ZNF286A: variants seen among roughly 807,000 people sequenced by gnomAD.
The protein encoded by ZNF286A is zinc finger protein ZNF286.
Under a neutral mutation model 49.3 loss-of-function variants are expected in ZNF286A, and 34 were observed. The observed-to-expected ratio is 0.69, with a 90% CI of 0.52 to 0.92. ZNF286A has a LOEUF of 0.92. Among genes scored for constraint, ZNF286A ranks in the 40% least tolerant of loss-of-function variants. The pLI is 0.00. For synonymous variants in ZNF286A, 155 were observed against 200.4 expected (o/e 0.77, Z 1.91); for missense variants, 462 against 600.2 (o/e 0.77, Z 2.41).
chr17:15,715,245 A>T (rs899930445), intron 5 of ZNF286A, among the ~76,000 whole-genome samples: 2 of 151,698 alleles, frequency 1.3e-5, no homozygotes, highest in African/African-American at 4.8e-5. Context: ...AGCAAACAGT[A>T]TAGGTATTTG....
At chr17:15,713,386 G>T (rs1479133673) in intron 5 of ZNF286A, among the ~76,000 whole-genome samples, 1 of 152,150 alleles carries the variant, frequency 6.6e-6, no homozygotes, top group Non-Finnish European at 1.5e-5. Context: ...ATTATAGAAG[G>T]TAGCTATATT....
In ZNF286A at chr17:15,717,397, G is replaced by A. The variant is rs913382910; in HGVS notation, c.*107G>A. ...TAATATGCATGTGAGGACCAATTCT[G>A]TATGCATCTAATTTCATTTGCGTAA... is the stretch of plus-strand genomic sequence containing the variant. On this transcript the variant is annotated 3_prime_UTR_variant, in exon 6 of 6. Coordinates refer to ENST00000583566, the MANE Select transcript of ZNF286A (RefSeq NM_001130842.2). 12 of 1,462,518 alleles carry A rather than the reference G, an allele frequency of 8.2e-6. No homozygotes were observed. In the East Asian group the frequency reaches 1.2e-4, roughly 14 times the overall value. The allele number at this position is 1,462,518 out of a possible 1,614,324, so 90.6% of individuals were successfully genotyped here.
At chr17:15,707,556 C>T (rs1187495876) in intron 4 of ZNF286A, among the ~76,000 whole-genome samples, 2 of 152,104 alleles carry the variant, frequency 1.3e-5, no homozygotes, top group African/African-American at 4.8e-5. Context: ...ATTGAGGTCC[C>T]GCTTTTTCCT....
chr17:15,709,295 G>A (rs934318815), intron 5 of ZNF286A, among the ~76,000 whole-genome samples: 1 of 144,928 alleles, frequency 6.9e-6, no homozygotes, highest in African/African-American at 2.6e-5. Flanking sequence ...TTTGAGACCA[G>A]CCTGGCCAAC....
chr17:15,720,024 G>A lies in ZNF286A; in HGVS notation c.*2734G>A, dbSNP rs929810891. On this transcript the variant is annotated 3_prime_UTR_variant, in exon 6 of 6. Coordinates refer to ENST00000583566, the MANE Select transcript of ZNF286A (RefSeq NM_001130842.2). ...GGAATTCATTTGAGAGCCAAAATTTGACTAAGGAAAGAAGACCAACATGGG... is the reference window on the plus strand; with the variant it reads ...GGAATTCATTTGAGAGCCAAAATTTAACTAAGGAAAGAAGACCAACATGGG... 1.3e-5 allele frequency: 2 copies of A among 152,160 alleles called. No individual in the cohort carries two copies. The highest frequency in any genetic ancestry group is 2.9e-5 in the Non-Finnish European group (2 of 68,016). The allele number at this position is 152,160 out of a possible 1,614,324, so 9.4% of individuals were successfully genotyped here.
Position 15,704,136 on chromosome 17 carries a change from C to T in ZNF286A, c.127-2251C>T, listed in dbSNP as rs1423699341. On this transcript the variant is annotated intron_variant, in intron 3 of 5. Transcript: ENST00000583566. ...CAGGTCCCAGTGCCCCCTGTACCCT[C>T]CCCGACCCCAGCCATAATTTAAATA... 85 of 963,856 alleles carry T rather than the reference C, an allele frequency of 8.8e-5. 2 individuals carry two copies. In the Middle Eastern group the frequency reaches 1.7e-3, roughly 19 times the overall value. 59.7% of individuals were successfully genotyped at this position (963,856 alleles called of 1,614,324 possible). A position where few individuals can be genotyped will look rare whatever the true frequency, so the allele number is the denominator to read the frequency against.
chr17:15,702,070 C>T (rs1171625881), intron 3 of ZNF286A, among the ~76,000 whole-genome samples: 2 of 150,872 alleles, frequency 1.3e-5, no homozygotes, highest in Non-Finnish European at 1.5e-5. Flanking sequence ...TGCAGTAATC[C>T]GAGATCGCAC....
chr17:15,710,301 T>C (rs1990556770), intron 5 of ZNF286A, among the ~76,000 whole-genome samples: 2 of 152,194 alleles, frequency 1.3e-5, no homozygotes, highest in Admixed American at 6.5e-5. Flanking sequence ...TTTTTTTAAA[T>C]AGTGCTTTTT....
intron 1 of ZNF286A, 177 bp from the exon 2 acceptor site, chr17:15,699,958 C>G (rs1186806168): frequency 4.8e-5 from 30 of 620,316 alleles, no homozygotes; most frequent in Non-Finnish European, 8.1e-5. Context: ...GGTTGTGCCA[C>G]GGGCGGGGTG....
Position 15,705,263 on chromosome 17 carries a change from C to T in ZNF286A, c.127-1124C>T, listed in dbSNP as rs140985741. Reference sequence around the variant, plus strand: ...TGCTTTATTATTATTTTTTCAAAATCAGGACATTCACATTGGCATAATACT... The same window carrying T: ...TGCTTTATTATTATTTTTTCAAAATTAGGACATTCACATTGGCATAATACT... On this transcript the variant is annotated intron_variant, in intron 3 of 5. Coordinates refer to ENST00000583566, the MANE Select transcript of ZNF286A (RefSeq NM_001130842.2). Among the ~76,000 whole-genome samples the T allele has an allele frequency of 4.0e-3, 609 of 152,228 alleles. 4 individuals are homozygous for T. Among genetic ancestry groups the T allele is most frequent in the African/African-American group, 0.013 (539 of 41,574 alleles).
Position 15,717,521 on chromosome 17 carries a change from A to G in ZNF286A, c.*231A>G, listed in dbSNP as rs1192101485. 2.9e-6 allele frequency: 2 copies of G among 679,682 alleles called. No homozygotes were observed. The highest frequency in any genetic ancestry group is 4.5e-6 in the Non-Finnish European group (2 of 439,974). 42.1% of individuals were successfully genotyped at this position (679,682 alleles called of 1,614,324 possible). A position where few individuals can be genotyped will look rare whatever the true frequency, so the allele number is the denominator to read the frequency against. On this transcript the variant is annotated 3_prime_UTR_variant, in exon 6 of 6. Coordinates refer to ENST00000583566, the MANE Select transcript of ZNF286A (RefSeq NM_001130842.2). ...CAAAATTTTAATCTCCAACGTCCCA[A>G]ATAGCTATCTGTGGAAATTCAAGAA...
chr17:15,702,388 A>G (rs1413724676), intron 3 of ZNF286A, among the ~76,000 whole-genome samples: 2 of 151,694 alleles, frequency 1.3e-5, no homozygotes, highest in African/African-American at 2.4e-5. Flanking sequence ...GGTGGTGCGC[A>G]CTTGTAATCC....
chr17:15,715,488 G>A (rs188766704), intron 5 of ZNF286A, among the ~76,000 whole-genome samples: 1 of 152,162 alleles, frequency 6.6e-6, no homozygotes, highest in Admixed American at 6.5e-5. Flanking sequence ...ACCTGAATTA[G>A]TGCTTCAACA....
At chr17:15,715,679 G>A (rs375325853) in intron 5 of ZNF286A, among the ~76,000 whole-genome samples, 15 of 152,172 alleles carry the variant, frequency 9.9e-5, no homozygotes, top group African/African-American at 3.1e-4. Context: ...TAACTGTACT[G>A]TACATTAAGA....
At chr17:15,701,092 C>G in intron 2 of ZNF286A, 60 bp from the exon 3 acceptor site, 1 of 1,524,976 alleles carries the variant, frequency 6.6e-7, no homozygotes, top group Non-Finnish European at 9.0e-7. Flanking sequence ...GGTTTTTAGA[C>G]TTTAAATCTG....
chr17:15,707,476 T>C (rs1990326937), intron 4 of ZNF286A, among the ~76,000 whole-genome samples: 1 of 151,282 alleles, frequency 6.6e-6, no homozygotes, highest in Non-Finnish European at 1.5e-5. Flanking sequence ...TTCTAATAAC[T>C]GAAGAAGGAA....
intron 3 of ZNF286A, among the ~76,000 whole-genome samples, chr17:15,702,862 A>T (rs1014934975): frequency 4.6e-5 from 7 of 152,258 alleles, no homozygotes; most frequent in Non-Finnish European, 8.8e-5. Context: ...CTCAAACAAG[A>T]ATGTTAAAAC....
Position 15,719,640 on chromosome 17 carries a change from C to G in ZNF286A, c.*2350C>G, listed in dbSNP as rs1163151398. ...TTCATGAGAGCTCCACCCTCACGAC[C>G]TAATCACCTCCAAAAGGCCCCATTT... On this transcript the variant is annotated 3_prime_UTR_variant, in exon 6 of 6. Coordinates refer to ENST00000583566, the MANE Select transcript of ZNF286A (RefSeq NM_001130842.2). 6.6e-6 allele frequency: 1 copy of G among 152,118 alleles called. No individual in the cohort carries two copies. The highest frequency in any genetic ancestry group is 1.5e-5 in the Non-Finnish European group (1 of 68,064). The allele number at this position is 152,118 out of a possible 1,614,324, so 9.4% of individuals were successfully genotyped here.
chr17:15,701,522 G>A (rs1053719001), intron 3 of ZNF286A: 4 of 276,018 alleles, frequency 1.4e-5, no homozygotes, highest in Non-Finnish European at 2.7e-5. Context: ...GCTTGGTAAT[G>A]TGAGAAACTA....
Sources: allele counts gnomAD v4.1 joint callset (sites outside exome capture counted in the v4.1 genomes callset), GRCh38; gene constraint gnomAD v4.1.1; transcripts MANE v1.5; gene names NCBI Gene and HGNC (gene_info 2026-07-23, HGNC 2026-07-21).